SCN10A: variants seen among roughly 807,000 people sequenced by gnomAD.
SCN10A encodes sodium channel protein type 10 subunit alpha.
SCN10A carries 162 observed loss-of-function variants against 170.7 expected under a neutral mutation model. The ratio of observed to expected loss-of-function variants is 0.95; its 90% CI spans 0.84 to 1.08. SCN10A has a LOEUF of 1.08. SCN10A is among the 50% of genes least tolerant of loss of function. The pLI, the probability that SCN10A is intolerant of heterozygous loss-of-function variation, is 0.00. For missense variants in SCN10A, 2,527 were observed against 2,436.9 expected, an observed-to-expected ratio of 1.04 and a Z score of -0.78; for synonymous variants, 985 against 904.6, an observed-to-expected ratio of 1.09 and a Z score of -1.59.
In SCN10A at chr3:38,734,896, G is replaced by A. The variant is rs548309130; in HGVS notation, c.2280+4619C>T. 3.3e-5 allele frequency among the ~76,000 whole-genome samples: 5 copies of A among 152,210 alleles called. No individual in the cohort carries two copies. The South Asian group carries it at 6.2e-4, about 19-fold the overall frequency. ...TAGAAAAGAAGAAATTAGGCTGGGCGTGGGTGGCTCATGCCTGTAATCCCA... is the reference window on the plus strand; with the variant it reads ...TAGAAAAGAAGAAATTAGGCTGGGCATGGGTGGCTCATGCCTGTAATCCCA... On this transcript the variant is annotated intron_variant, in intron 15 of 27. Coordinates refer to ENST00000449082, the MANE Select transcript of SCN10A (RefSeq NM_006514.4).
At chr3:38,720,909 G>A (rs925030911) in intron 20 of SCN10A, among the ~76,000 whole-genome samples, 1 of 152,160 alleles carries the variant, frequency 6.6e-6, no homozygotes, top group South Asian at 2.1e-4. Context: ...GCCCTCTCTT[G>A]CCCCTGCAAT....
intron 13 of SCN10A, among the ~76,000 whole-genome samples, chr3:38,748,115 CA>C (rs1025818422): frequency 2.6e-5 from 4 of 151,968 alleles, no homozygotes; most frequent in African/African-American, 9.7e-5. Context: ...ATGAAAAAAA[CA>C]AACTGTTTGT....
In SCN10A at chr3:38,755,787, C is replaced by T. The variant is rs1288785524; in HGVS notation, c.1461+1G>A. ...TTAGAGCACAAACCTGAGCCTCTTA[C>T]CATCCTGCGCTGGTTGTAAGGATCA... On this transcript the variant is annotated splice_donor_variant, in intron 11 of 27. Coordinates refer to ENST00000449082, the MANE Select transcript of SCN10A (RefSeq NM_006514.4). LOFTEE classifies it high-confidence loss of function. 1 of 1,613,300 alleles carries T rather than the reference C, an allele frequency of 6.2e-7. No individual in the cohort carries two copies.
chr3:38,805,442 C>A (rs2064399371), intron 1 of SCN10A, among the ~76,000 whole-genome samples: 1 of 152,058 alleles, frequency 6.6e-6, no homozygotes, highest in South Asian at 2.1e-4. Context: ...GATTAAATGT[C>A]CCTGGTTTTG....
At position 38,762,823 on chromosome 3, in the gene SCN10A, G is replaced by A. The variant is rs540088548; in HGVS notation, c.691+682C>T. ...TGTTTCTGTTTACAGATAAGAGAAC[G>A]AATTCTTGGGGTGAGAGGAGAGAAC... is the stretch of plus-strand genomic sequence containing the variant. On this transcript the variant is annotated intron_variant, in intron 6 of 27. Coordinates refer to ENST00000449082, the MANE Select transcript of SCN10A (RefSeq NM_006514.4). Among the ~76,000 whole-genome samples, 53 of 152,248 alleles carry A rather than the reference G, an allele frequency of 3.5e-4. No homozygotes were observed. In the Middle Eastern group the frequency reaches 0.017, roughly 49 times the overall value.
At chr3:38,794,639 A>G (rs1307248013) in intron 1 of SCN10A, among the ~76,000 whole-genome samples, 1 of 152,148 alleles carries the variant, frequency 6.6e-6, no homozygotes, top group Non-Finnish European at 1.5e-5. Flanking sequence ...CCTGTGGTCC[A>G]CAATTTTGCC....
intron 11 of SCN10A, among the ~76,000 whole-genome samples, chr3:38,753,850 A>G (rs373340363): frequency 1.2e-4 from 18 of 152,346 alleles, no homozygotes; most frequent in African/African-American, 4.3e-4. Context: ...GAGTATAAGC[A>G]TTAGAATTGC....
At chr3:38,723,686 C>G in intron 18 of SCN10A, 133 bp from the exon 19 acceptor site, 1 of 1,114,818 alleles carries the variant, frequency 9.0e-7, no homozygotes, top group South Asian at 1.6e-5. Flanking sequence ...TGCTCTTCTC[C>G]CTGGAGCCCC....
intron 1 of SCN10A, among the ~76,000 whole-genome samples, chr3:38,806,039 A>G (rs1310265068): frequency 6.6e-6 from 1 of 152,154 alleles, no homozygotes; most frequent in Non-Finnish European, 1.5e-5. Flanking sequence ...AATGGGTGAG[A>G]GCTGAATGGG....
chr3:38,798,870 G>GCCT (rs1050909312), intron 1 of SCN10A, among the ~76,000 whole-genome samples: 3 of 141,262 alleles, frequency 2.1e-5, no homozygotes, highest in Non-Finnish European at 3.0e-5. Flanking sequence ...GCTCATTGCA[G>GCCT]CCTTGACCTC....
At chr3:38,777,775 G>A (rs1182477047) in intron 4 of SCN10A, among the ~76,000 whole-genome samples, 2 of 152,076 alleles carry the variant, frequency 1.3e-5, no homozygotes, top group Non-Finnish European at 2.9e-5. Flanking sequence ...CAGTAGACAT[G>A]GGAATCTGGT....
At position 38,725,253 on chromosome 3, in the gene SCN10A, G is replaced by A; in HGVS notation, c.3149C>T (p.Thr1050Ile). ...GDHLTPRSPGTGTSSEDLAPS... is the reference protein window; with the variant it reads ...GDHLTPRSPGIGTSSEDLAPS... ...AGCCAGGTCCTCAGAAGATGTTCCA[G>A]TGCCTGGGCTCCTGGGTGTCAGGTG... Residue 1050 changes from threonine to isoleucine, a missense_variant, in exon 18 of 28, where the codon ACT (threonine) becomes ATT (isoleucine). Transcript: ENST00000449082. 2 of 1,605,334 alleles carry A rather than the reference G, an allele frequency of 1.2e-6. 1 individual carries two copies. Among genetic ancestry groups the A allele is most frequent in the South Asian group, 2.2e-5 (2 of 90,038 alleles).
intron 1 of SCN10A, among the ~76,000 whole-genome samples, chr3:38,813,366 T>C (rs961421223): frequency 3.9e-5 from 6 of 152,196 alleles, no homozygotes; most frequent in African/African-American, 1.4e-4. Flanking sequence ...ACCAGCTACA[T>C]GGCCTTGAAT....
At position 38,752,448 on chromosome 3, in the gene SCN10A, G is replaced by A. The variant is rs777835811; in HGVS notation, c.1526C>T (p.Ser509Phe). 6.2e-7 allele frequency: 1 copy of A among 1,612,930 alleles called. No individual in the cohort carries two copies. Among genetic ancestry groups the A allele is most frequent in the South Asian group, 1.1e-5 (1 of 90,756 alleles). The change falls in exon 12 of 28, where the codon TCC (serine) becomes TTC (phenylalanine). Residue 509 changes from serine to phenylalanine, a missense_variant. Ser to Phe is a radical substitution (Grantham distance 155). Transcript: ENST00000449082. ...ASHGSVFHFR[S>F]PGRDISLPEG... The stretch of plus-strand genomic sequence containing the variant: ...AGGGAGTGAGATATCTCGGCCAGGG[G>A]ACCGGAAATGGAACACACTGCCATG...
intron 1 of SCN10A, among the ~76,000 whole-genome samples, chr3:38,797,626 T>C (rs750776264): frequency 1.4e-4 from 22 of 152,226 alleles, no homozygotes; most frequent in Non-Finnish European, 2.6e-4. Context: ...ATTCTTCCCT[T>C]CTGAGAAACA....
At chr3:38,807,594 T>C (rs1052698305) in intron 1 of SCN10A, among the ~76,000 whole-genome samples, 17 of 152,256 alleles carry the variant, frequency 1.1e-4, no homozygotes, top group African/African-American at 3.4e-4. Context: ...CTGGAGGTCA[T>C]TAAATATCAG....
chr3:38,796,029 G>A (rs761676993), intron 1 of SCN10A, among the ~76,000 whole-genome samples: 1 of 152,064 alleles, frequency 6.6e-6, no homozygotes, highest in Non-Finnish European at 1.5e-5. Flanking sequence ...TTTATATGCA[G>A]ATGACTGAGT....
chr3:38,806,635 G>A (rs891415654), intron 1 of SCN10A, among the ~76,000 whole-genome samples: 2 of 152,018 alleles, frequency 1.3e-5, no homozygotes, highest in African/African-American at 4.8e-5. Context: ...GACACTGTAG[G>A]AAAATCAAAT....
intron 1 of SCN10A, among the ~76,000 whole-genome samples, chr3:38,806,949 A>T (rs2064408448): frequency 1.3e-5 from 2 of 152,160 alleles, no homozygotes; most frequent in Admixed American, 6.6e-5. Flanking sequence ...TGGGTGTATA[A>T]TCCCTTCTAT....
Sources: allele counts gnomAD v4.1 joint callset (sites outside exome capture counted in the v4.1 genomes callset), GRCh38; gene constraint gnomAD v4.1.1; transcripts MANE v1.5; gene names NCBI Gene and HGNC (gene_info 2026-07-23, HGNC 2026-07-21).